AUTS2: variants seen among roughly 807,000 people sequenced by gnomAD.
The protein encoded by AUTS2 is autism susceptibility gene 2 protein.
A neutral mutation model predicts 112.4 loss-of-function variants in AUTS2; 17 were observed. That is an observed-to-expected ratio of 0.15 (90% CI 0.10 to 0.23). The LOEUF (loss-of-function observed/expected upper bound fraction) is 0.23, where lower values mean the gene tolerates loss of function less well. Among genes scored for constraint, AUTS2 ranks in the 10% least tolerant of loss-of-function variants. The probability of loss-of-function intolerance (pLI) is 1.00; values close to 1 mark genes in which losing one functional copy is unlikely to be tolerated. For synonymous variants in AUTS2, 751 were observed against 702.7 expected, an observed-to-expected ratio of 1.07 and a Z score of -1.09; for missense variants, 1,510 against 1,701.6, an observed-to-expected ratio of 0.89 and a Z score of 1.98.
At chr7:69,770,522 A>G (rs1259640055) in intron 1 of AUTS2, among the ~76,000 whole-genome samples, 1 of 151,992 alleles carries the variant, frequency 6.6e-6, no homozygotes, top group African/African-American at 2.4e-5. Flanking sequence ...GCTGGAGCCA[A>G]TTGGCCTGTT....
At chr7:70,155,782 C>A (rs968017776) in intron 4 of AUTS2, among the ~76,000 whole-genome samples, 2 of 152,066 alleles carry the variant, frequency 1.3e-5, no homozygotes, top group Non-Finnish European at 2.9e-5. Context: ...ACCAAGTATT[C>A]AAGAGCTCAG....
rs544238776 is a variant in AUTS2 at position 70,496,392 on chromosome 7, C to T, written c.690+60611C>T. ...TCACACACCCCACTCACACACACCA[C>T]GTACACAGTCACACACACACCCCAC... is the stretch of plus-strand genomic sequence containing the variant. On this transcript the variant is annotated intron_variant, in intron 5 of 18. Coordinates refer to ENST00000342771, the MANE Select transcript of AUTS2 (RefSeq NM_015570.4). Among the ~76,000 whole-genome samples the T allele has an allele frequency of 4.7e-3, 623 of 131,722 alleles. 5 individuals are homozygous for T. Among genetic ancestry groups the T allele is most frequent in the Non-Finnish European group, 8.3e-3 (517 of 62,230 alleles). The allele number at this position is 131,722 out of a possible 152,430, so 86.4% of individuals were successfully genotyped here. A position where few individuals can be genotyped will look rare whatever the true frequency, so the allele number is the denominator to read the frequency against.
chr7:69,879,350 A>G (rs973573095), intron 1 of AUTS2, among the ~76,000 whole-genome samples: 11 of 144,978 alleles, frequency 7.6e-5, no homozygotes, highest in Middle Eastern at 3.6e-3. Context: ...GGATTTTGCC[A>G]TGTTGCCCAG....
intron 4 of AUTS2, among the ~76,000 whole-genome samples, chr7:70,423,641 T>A (rs1421380164): frequency 2.0e-5 from 3 of 152,176 alleles, no homozygotes; most frequent in African/African-American, 7.2e-5. Flanking sequence ...CAAAAAAAAA[T>A]GTTCATCAAG....
chr7:70,283,842 GGAAA>G (rs1229617629), intron 4 of AUTS2, among the ~76,000 whole-genome samples: 1 of 151,844 alleles, frequency 6.6e-6, no homozygotes, highest in African/African-American at 2.4e-5. Context: ...TTTTAAAAAA[GGAAA>G]GAAAGGAGGG....
intron 5 of AUTS2, among the ~76,000 whole-genome samples, chr7:70,607,279 A>G (rs1803833561): frequency 6.6e-6 from 1 of 151,994 alleles, no homozygotes; most frequent in African/African-American, 2.4e-5. Context: ...ACAGGAATGC[A>G]CTCTTTTTAA....
intron 3 of AUTS2, among the ~76,000 whole-genome samples, chr7:70,120,538 T>C (rs916623537): frequency 2.0e-5 from 3 of 152,190 alleles, no homozygotes; most frequent in African/African-American, 7.2e-5. Context: ...CTGAGATTTT[T>C]GTTATACTTT....
intron 5 of AUTS2, among the ~76,000 whole-genome samples, chr7:70,537,684 A>G (rs895287059): frequency 2.0e-5 from 3 of 152,188 alleles, no homozygotes; most frequent in African/African-American, 7.2e-5. Context: ...AAGGTAACAC[A>G]GCTCTCTCCT....
At chr7:69,894,255 T>TTTTTTTTGTTGTTG in intron 1 of AUTS2, among the ~76,000 whole-genome samples, 1 of 130,054 alleles carries the variant, frequency 7.7e-6, no homozygotes, top group African/African-American at 2.9e-5. Flanking sequence ...TTAAAGCGTT[T>TTTTTTTTGTTGTTG]TTTTTTTTTT....
chr7:70,759,143 G>C (rs1042988063), intron 6 of AUTS2, among the ~76,000 whole-genome samples: 5 of 152,152 alleles, frequency 3.3e-5, no homozygotes, highest in Admixed American at 3.3e-4. Flanking sequence ...CTGAATCCTG[G>C]ATTTATCATT....
intron 4 of AUTS2, among the ~76,000 whole-genome samples, chr7:70,407,227 A>G (rs1424582253): frequency 1.3e-5 from 2 of 152,166 alleles, no homozygotes; most frequent in South Asian, 2.1e-4. Context: ...TTTTGGAATC[A>G]TAATCAGATA....
intron 14 of AUTS2, among the ~76,000 whole-genome samples, chr7:70,777,410 C>A (rs555799659): frequency 6.6e-6 from 1 of 151,966 alleles, no homozygotes; most frequent in Non-Finnish European, 1.5e-5. Context: ...CTCACCACAG[C>A]CTTGAATTCC....
rs557282172 is a variant in AUTS2, at chr7:70,521,235, C to T, written c.690+85454C>T. On this transcript the variant is annotated intron_variant, in intron 5 of 18. Coordinates refer to ENST00000342771, the MANE Select transcript of AUTS2 (RefSeq NM_015570.4). ...CTTGTACATCCCATCATCAGCTCTCCTGGGCTTTTATTCTGAAGGCTAGTG... is the reference window on the plus strand; with the variant it reads ...CTTGTACATCCCATCATCAGCTCTCTTGGGCTTTTATTCTGAAGGCTAGTG... 1.9e-4 allele frequency among the ~76,000 whole-genome samples: 29 copies of T among 152,236 alleles called. No individual in the cohort carries two copies. The South Asian group carries it at 3.5e-3, about 18-fold the overall frequency.
rs137856664 is a variant in AUTS2, at chr7:70,445,308, C to T, written c.690+9527C>T. ...TCCCATGCCGTGCTGCTTCCCCGTA[C>T]GTCAGTGTGAGTTGGGATAAGCCTA... On this transcript the variant is annotated intron_variant, in intron 5 of 18. Transcript: ENST00000342771. Among the ~76,000 whole-genome samples the T allele has an allele frequency of 9.9e-5, 15 of 152,258 alleles. No homozygotes were observed. The East Asian group carries it at 2.5e-3, about 25-fold the overall frequency.
At chr7:70,336,619 C>T (rs1791002187) in intron 4 of AUTS2, among the ~76,000 whole-genome samples, 1 of 152,132 alleles carries the variant, frequency 6.6e-6, no homozygotes, top group Admixed American at 6.6e-5. Flanking sequence ...GATGTATACA[C>T]ATTCAGGATT....
At chr7:69,869,939 G>GA (rs1793408126) in intron 1 of AUTS2, among the ~76,000 whole-genome samples, 1 of 152,024 alleles carries the variant, frequency 6.6e-6, no homozygotes, top group Admixed American at 6.6e-5. Context: ...AGATATAATA[G>GA]AAAAAACTGT....
intron 4 of AUTS2, among the ~76,000 whole-genome samples, chr7:70,254,460 A>T (rs1000334187): frequency 2.0e-5 from 3 of 151,652 alleles, no homozygotes; most frequent in African/African-American, 7.3e-5. Flanking sequence ...CTGTAACCTG[A>T]TCAGGTTGGA....
intron 2 of AUTS2, among the ~76,000 whole-genome samples, chr7:70,029,567 G>A (rs977466079): frequency 2.0e-5 from 3 of 152,058 alleles, no homozygotes; most frequent in Non-Finnish European, 2.9e-5. Flanking sequence ...ATGAATGTTC[G>A]TGTTCTGAGA....
chr7:70,277,420 C>G (rs1299170861), intron 4 of AUTS2, among the ~76,000 whole-genome samples: 1 of 152,104 alleles, frequency 6.6e-6, no homozygotes, highest in African/African-American at 2.4e-5. Context: ...TAAAGAGGAT[C>G]ACAAATGAGG....
Sources: allele counts gnomAD v4.1 joint callset (sites outside exome capture counted in the v4.1 genomes callset), GRCh38; gene constraint gnomAD v4.1.1; transcripts MANE v1.5; gene names NCBI Gene and HGNC (gene_info 2026-07-23, HGNC 2026-07-21).